The following DCHS1 variants were observed in gnomAD, a reference collection of about 807,000 sequenced individuals.
DCHS1 encodes the protein dachsous cadherin-related 1.
DCHS1 carries 78 observed loss-of-function variants against 213.9 expected under a neutral mutation model. The observed-to-expected ratio is 0.36, with a 90% CI of 0.30 to 0.44. The LOEUF is 0.44. DCHS1 is among the 20% of genes least tolerant of loss of function. DCHS1 has a pLI of 1.00. For missense variants in DCHS1, 3,946 were observed against 4,395.9 expected, an observed-to-expected ratio of 0.90 and a Z score of 2.89; for synonymous variants, 1,828 against 1,873.7, an observed-to-expected ratio of 0.98 and a Z score of 0.63.
intron 1 of DCHS1, among the ~76,000 whole-genome samples, chr11:6,654,367 AG>A (rs1856285778): frequency 1.3e-5 from 2 of 152,212 alleles, no homozygotes; most frequent in Non-Finnish European, 2.9e-5. Context: ...CAGTTGTGAC[AG>A]TGCTTCTGAT....
chr11:6,651,720 A>T (rs2134661428), intron 1 of DCHS1, among the ~76,000 whole-genome samples: 1 of 152,310 alleles, frequency 6.6e-6, no homozygotes, highest in South Asian at 2.1e-4. Context: ...GCTGGAGAGA[A>T]GATAGAACCA....
At position 6,622,736 on chromosome 11, in the gene DCHS1, G is replaced by C. The variant is rs1350739060; in HGVS notation, c.8940C>G (p.Pro2980=). The part of the protein sequence containing the change: ...AAPGPMSQAA[P]LASDSLQKLG... Reference sequence around the variant, plus strand: ...GTTTCTGCAGTGAGTCACTGGCTAGGGGTGCTGCCTGTGACATTGGGCCAG... The same window carrying C: ...GTTTCTGCAGTGAGTCACTGGCTAGCGGTGCTGCCTGTGACATTGGGCCAG... The change falls in exon 21 of 21, where the codon CCC becomes CCG. Residue 2980 remains proline (P), a synonymous_variant. Transcript: ENST00000299441. This position sits in a 1 kb window ranked among gnomAD's most constrained non-coding sequence, Gnocchi z 5.4. 7 of 1,591,216 alleles carry C rather than the reference G, an allele frequency of 4.4e-6. No individual in the cohort carries two copies. The highest frequency in any genetic ancestry group is 6.0e-6 in the Non-Finnish European group (7 of 1,169,326).
At position 6,621,740 on chromosome 11, in the gene DCHS1, C is replaced by T. The variant is rs1343596584; in HGVS notation, c.*39G>A. The T allele has an allele frequency of 2.1e-5, 32 of 1,546,620 alleles. No individual in the cohort carries two copies. The highest frequency in any genetic ancestry group is 1.4e-4 in the African/African-American group (10 of 73,212). On this transcript the variant is annotated 3_prime_UTR_variant, in exon 21 of 21. Coordinates refer to ENST00000299441, the MANE Select transcript of DCHS1 (RefSeq NM_003737.4). ...CAGAGTGGGGCCTGCGTTGGGGACA[C>T]TGTGCGCATCCCAGGTCGGGGCCCA...
Position 6,629,823 on chromosome 11 carries a change from C to T in DCHS1, c.4884G>A (p.Pro1628=), listed in dbSNP as rs1217423986. ...CGGTCAGGACCTGCGTGGCCGAGCGCGGCGGGGAGCCGTGGTCTGAGGCCA... is the reference window on the plus strand; with the variant it reads ...CGGTCAGGACCTGCGTGGCCGAGCGTGGCGGGGAGCCGTGGTCTGAGGCCA... ...TVVASDHGSP[P]RSATQVLTVS... The change falls in exon 11 of 21, where the codon CCG becomes CCA. Residue 1628 remains proline (P), a synonymous_variant. Transcript: ENST00000299441. 4.3e-6 allele frequency: 7 copies of T among 1,612,928 alleles called. No individual in the cohort carries two copies. Among genetic ancestry groups the T allele is most frequent in the Non-Finnish European group, 5.1e-6 (6 of 1,179,896 alleles).
chr11:6,622,680 G>A lies in DCHS1; in HGVS notation c.8996C>T (p.Ser2999Phe). 1.3e-6 allele frequency: 2 copies of A among 1,594,032 alleles called. No individual in the cohort carries two copies. The highest frequency in any genetic ancestry group is 1.3e-5 in the African/African-American group (1 of 74,700). Residue 2999 changes from serine to phenylalanine, a missense_variant, in exon 21 of 21, where the codon TCT becomes TTT. Coordinates refer to ENST00000299441, the MANE Select transcript of DCHS1 (RefSeq NM_003737.4). The surrounding 1 kb of genome is among the most constrained non-coding windows in gnomAD (Gnocchi z 5.4). ...LGREPPSPPP[S>F]EHLYHQTLPS... ...AAGAGTCTGGTGATAGAGGTGCTCA[G>A]AGGGTGGTGGACTAGGTGGCTCCCG... is the stretch of plus-strand genomic sequence containing the variant.
rs367639691 is a variant in DCHS1 at position 6,641,280 on chromosome 11, G to A, written c.334C>T (p.Arg112Trp). The change falls in exon 2 of 21, where the codon CGG (arginine) becomes TGG (tryptophan). Residue 112 changes from arginine (R) to tryptophan (W), a missense_variant. Transcript: ENST00000299441. The surrounding 1 kb of genome is among the most constrained non-coding windows in gnomAD (Gnocchi z 7.1). The part of the protein sequence containing the change: ...RTARVLDREQ[R>W]DRYRFTAVTP... ...ACTGCAGTGAAGCGGTAGCGGTCCCGCTGCTCACGGTCCAAGACACGGGCT... is the reference window on the plus strand; with the variant it reads ...ACTGCAGTGAAGCGGTAGCGGTCCCACTGCTCACGGTCCAAGACACGGGCT... 1.5e-5 allele frequency: 25 copies of A among 1,613,662 alleles called. No individual in the cohort carries two copies. In the Admixed American group the frequency reaches 3.2e-4, roughly 20 times the overall value.
chr11:6,622,468 G>A lies in DCHS1; in HGVS notation c.9208C>T (p.Gln3070Ter). ...LAARGPDSGI[Q>*]QDADGLSDTS... Reference sequence around the variant, plus strand: ...TCACTCAGACCATCTGCATCCTGCTGGATGCCTGAGTCAGGGCCACGGGCA... The same window carrying A: ...TCACTCAGACCATCTGCATCCTGCTAGATGCCTGAGTCAGGGCCACGGGCA... Residue 3070 changes from glutamine (Q) to a stop codon, truncating the protein, a stop_gained, in exon 21 of 21, where the codon CAG becomes TAG. Coordinates refer to ENST00000299441, the MANE Select transcript of DCHS1 (RefSeq NM_003737.4). LOFTEE classifies it high-confidence loss of function. The surrounding 1 kb of genome is among the most constrained non-coding windows in gnomAD (Gnocchi z 5.4). 1 of 1,566,298 alleles carries A rather than the reference G, an allele frequency of 6.4e-7. No individual in the cohort carries two copies.
Position 6,631,711 on chromosome 11 carries a change from T to A in DCHS1, c.3580A>T (p.Thr1194Ser). The change falls in exon 7 of 21, where the codon ACA becomes TCA. Residue 1194 changes from threonine to serine, a missense_variant. By Grantham distance (58) the Thr-to-Ser change is moderately conservative. This residue lies in a region of DCHS1 where 3,384 missense variants were observed against 3,780.1 expected (regional missense o/e 0.90). Coordinates refer to ENST00000299441, the MANE Select transcript of DCHS1 (RefSeq NM_003737.4). ...AGCACTGCAACATGCACAGTGCCTGTGGTGCTGCGGGGTGGGCTCCCTCCA... is the reference window on the plus strand; with the variant it reads ...AGCACTGCAACATGCACAGTGCCTGAGGTGCTGCGGGGTGGGCTCCCTCCA... ...QDGGSPPRST[T>S]GTVHVAVLDL... 1 of 1,610,724 alleles carries A rather than the reference T, an allele frequency of 6.2e-7. No homozygotes were observed. The highest frequency in any genetic ancestry group is 8.5e-7 in the Non-Finnish European group (1 of 1,178,290).
At chr11:6,642,553 G>A (rs1205443302) in intron 1 of DCHS1, among the ~76,000 whole-genome samples, 4 of 135,028 alleles carry the variant, frequency 3.0e-5, no homozygotes, top group Non-Finnish European at 6.1e-5. Context: ...AGGAGAAAAG[G>A]ACATTCTAGA....
In DCHS1 at chr11:6,640,158, C is replaced by T. The variant is rs369045025; in HGVS notation, c.1456G>A (p.Ala486Thr). 1.1e-5 allele frequency: 18 copies of T among 1,613,774 alleles called. No individual in the cohort carries two copies. The highest frequency in any genetic ancestry group is 1.4e-5 in the Non-Finnish European group (17 of 1,179,790). ...LYRPEPLPEV[A>T]LPGSFVVRVT... ...CGCACTACAAAGCTGCCAGGCAGCGCAACCTCAGGCAGGGGCTCAGGTCGG... is the reference window on the plus strand; with the variant it reads ...CGCACTACAAAGCTGCCAGGCAGCGTAACCTCAGGCAGGGGCTCAGGTCGG... Residue 486 changes from alanine (A) to threonine (T), a missense_variant, in exon 2 of 21, where the codon GCG becomes ACG. Ala to Thr is a moderately conservative substitution (Grantham distance 58, BLOSUM62 0). This residue lies in a region of DCHS1 where 3,384 missense variants were observed against 3,780.1 expected (regional missense o/e 0.90). Transcript: ENST00000299441. This position sits in a 1 kb window ranked among gnomAD's most constrained non-coding sequence, Gnocchi z 6.5.
At position 6,634,216 on chromosome 11, in the gene DCHS1, G is replaced by T. The variant is rs574604458; in HGVS notation, c.1888C>A (p.Arg630Ser). 1.5e-5 allele frequency: 24 copies of T among 1,613,854 alleles called. No individual in the cohort carries two copies. The highest frequency in any genetic ancestry group is 2.2e-5 in the East Asian group (1 of 44,898). Residue 630 changes from arginine to serine, a missense_variant, in exon 3 of 21, where the codon CGC (arginine) becomes AGC (serine). Around this residue, in one of 3 missense-constraint regions of DCHS1, gnomAD observed 3,384 missense variants for 3,780.1 expected, o/e 0.90. Transcript: ENST00000299441. ...GLGSSGSPPF[R>S]IDAHSGDVCT... ...ACATCACCGCTGTGGGCATCAATGC[G>T]GAATGGGGGAGATCCGGAGGACCCA... is the stretch of plus-strand genomic sequence containing the variant.
chr11:6,636,013 A>T (rs999001057), intron 2 of DCHS1, among the ~76,000 whole-genome samples: 1 of 152,154 alleles, frequency 6.6e-6, no homozygotes, highest in Non-Finnish European at 1.5e-5. Context: ...CCCCAAAGCC[A>T]TAATAAACTT....
chr11:6,647,580 T>C (rs1856182142), intron 1 of DCHS1, among the ~76,000 whole-genome samples: 1 of 152,212 alleles, frequency 6.6e-6, no homozygotes. Flanking sequence ...CGCTGGGCCC[T>C]GTGCCAAGCA....
Position 6,630,195 on chromosome 11 carries a change from G to T in DCHS1, c.4599C>A (p.Arg1533=). 6.3e-7 allele frequency: 1 copy of T among 1,585,742 alleles called. No individual in the cohort carries two copies. Among genetic ancestry groups the T allele is most frequent in the South Asian group, 1.1e-5 (1 of 87,914 alleles). ...SRRRAARVSA[R]VFVTDENDNA... ...TGTCATTCTCATCCGTGACGAAGAC[G>T]CGCGCTGAAACGCGCGCTGCACGAC... The change falls in exon 10 of 21, where the codon CGC becomes CGA. Residue 1533 remains arginine (R), a synonymous_variant. Coordinates refer to ENST00000299441, the MANE Select transcript of DCHS1 (RefSeq NM_003737.4).
intron 1 of DCHS1, among the ~76,000 whole-genome samples, chr11:6,645,132 A>T (rs749806259): frequency 6.6e-6 from 1 of 152,354 alleles, no homozygotes; most frequent in East Asian, 1.9e-4. Context: ...GGTATTTGCT[A>T]GACTCTCTTT....
At chr11:6,646,494 T>G (rs1273280306) in intron 1 of DCHS1, among the ~76,000 whole-genome samples, 2 of 152,180 alleles carry the variant, frequency 1.3e-5, no homozygotes, top group Non-Finnish European at 2.9e-5. Flanking sequence ...CTCCCTGCTC[T>G]TGTATCTTTC....
At chr11:6,649,523 G>A (rs949298637) in intron 1 of DCHS1, among the ~76,000 whole-genome samples, 2 of 151,398 alleles carry the variant, frequency 1.3e-5, no homozygotes, top group African/African-American at 4.9e-5. Flanking sequence ...AGAGGGGAGA[G>A]GAGGTCGTAG....
At chr11:6,652,463 C>T (rs1425619840) in intron 1 of DCHS1, among the ~76,000 whole-genome samples, 6 of 152,076 alleles carry the variant, frequency 3.9e-5, no homozygotes, top group South Asian at 4.1e-4. Context: ...TCTTAGTTAA[C>T]GGGGTATTAC....
intron 11 of DCHS1, 22 bp from the exon 12 acceptor site, chr11:6,629,599 G>A (rs760171920): frequency 1.2e-6 from 2 of 1,613,292 alleles, no homozygotes; most frequent in Admixed American, 1.7e-5. Context: ...CAGCATGGAG[G>A]GCGATCAGAG....
Sources: allele counts gnomAD v4.1 joint callset (sites outside exome capture counted in the v4.1 genomes callset), GRCh38; gene constraint gnomAD v4.1.1; regional missense constraint gnomAD v4.1.1; non-coding constraint Gnocchi (gnomAD v3.1); transcripts MANE v1.5; gene names NCBI Gene and HGNC (gene_info 2026-07-23, HGNC 2026-07-21).